The following SEH1L variants were observed in gnomAD, a reference collection of about 807,000 sequenced individuals.
SEH1L encodes nucleoporin SEH1.
Under a neutral mutation model 49.5 loss-of-function variants are expected in SEH1L, and 18 were observed. That is an observed-to-expected ratio of 0.36 (90% CI 0.25 to 0.54). The LOEUF (loss-of-function observed/expected upper bound fraction) is 0.54, where lower values mean the gene tolerates loss of function less well. Ranked by LOEUF, SEH1L falls within the 20% of genes least tolerant of loss-of-function variation. The probability of loss-of-function intolerance (pLI) is 0.87; values close to 1 mark genes in which losing one functional copy is unlikely to be tolerated. For missense variants in SEH1L, 404 were observed against 528.8 expected (o/e 0.76, Z 2.31); for synonymous variants, 169 against 178.1 (o/e 0.95, Z 0.41).
Position 12,981,737 on chromosome 18 carries a change from T to A in SEH1L, c.762-781T>A, listed in dbSNP as rs181596209. Among the ~76,000 whole-genome samples the A allele has an allele frequency of 3.2e-3, 483 of 152,198 alleles. 3 individuals are homozygous for A. Among genetic ancestry groups the A allele is most frequent in the Admixed American group, 5.2e-3 (79 of 15,286 alleles). The stretch of plus-strand genomic sequence containing the variant: ...AAGTGGCAGTCTATTTAGGGAAAAC[T>A]AAATTAGTATTGAGACAGTCTTGTG... On this transcript the variant is annotated intron_variant, in intron 6 of 8. Transcript: ENST00000399892.
rs1275355297 is a variant in SEH1L, at chr18:12,979,770, G to C, written c.761+878G>C. On this transcript the variant is annotated intron_variant, in intron 6 of 8. Transcript: ENST00000399892. ...GGCTGACCCCCCCACCTCCCTCCCG[G>C]ACGGGGCGGCTGTCCGGGCAGAGGG... Among the ~76,000 whole-genome samples, 81 of 140,768 alleles carry C rather than the reference G, an allele frequency of 5.8e-4. 1 individual carries two copies. The East Asian group carries it at 0.018, about 31-fold the overall frequency. 92.3% of individuals were successfully genotyped at this position (140,768 alleles called of 152,430 possible).
chr18:12,984,535 G>C lies in SEH1L; in HGVS notation c.1070+345G>C, dbSNP rs147242511. ...TCCAAATGAACATTAGTGTTTTTTA[G>C]TGCTTGTAGTGTGGTCTTTGCATTA... On this transcript the variant is annotated intron_variant, in intron 8 of 8. Transcript: ENST00000399892. 2.9e-3 allele frequency among the ~76,000 whole-genome samples: 447 copies of C among 152,300 alleles called. 6 individuals are homozygous for C. The East Asian group carries it at 0.037, about 13-fold the overall frequency.
chr18:12,957,415 C>T (rs886244127), intron 3 of SEH1L, among the ~76,000 whole-genome samples: 1 of 148,456 alleles, frequency 6.7e-6, no homozygotes, highest in Non-Finnish European at 1.5e-5. Flanking sequence ...GGAACAAGAG[C>T]GAGACTTCGT....
chr18:12,974,993 A>T (rs1485401631), intron 5 of SEH1L, among the ~76,000 whole-genome samples: 2 of 150,310 alleles, frequency 1.3e-5, no homozygotes, highest in Admixed American at 1.3e-4. Flanking sequence ...TTTTATTTTT[A>T]TTTTATTTTT....
intron 3 of SEH1L, 67 bp from the exon 4 acceptor site, chr18:12,963,093 G>T: frequency 8.7e-7 from 1 of 1,144,890 alleles, no homozygotes; most frequent in Non-Finnish European, 1.2e-6. Flanking sequence ...CAGAGTCTGT[G>T]TGTCTTTTCC....
At chr18:12,961,931 G>T (rs1290185405) in intron 3 of SEH1L, among the ~76,000 whole-genome samples, 1 of 152,158 alleles carries the variant, frequency 6.6e-6, no homozygotes, top group Non-Finnish European at 1.5e-5. Flanking sequence ...CTCCCAAAGT[G>T]CTGGGATTAC....
intron 7 of SEH1L, 91 bp downstream of exon 7, chr18:12,982,766 TG>T: frequency 9.6e-7 from 1 of 1,041,138 alleles, no homozygotes; most frequent in South Asian, 1.9e-5. Flanking sequence ...TTTTTGAAAA[TG>T]GTCTTTTACA....
chr18:12,984,948 ATTG>A (rs1379606210), intron 8 of SEH1L: 1 of 277,746 alleles, frequency 3.6e-6, no homozygotes, highest in African/African-American at 2.2e-5. Context: ...CTATTTTTAT[ATTG>A]TTATGTTTTC....
At chr18:12,953,875 A>G (rs889751638) in intron 2 of SEH1L, among the ~76,000 whole-genome samples, 1 of 152,234 alleles carries the variant, frequency 6.6e-6, no homozygotes, top group Non-Finnish European at 1.5e-5. Context: ...ATTAACAGCC[A>G]ATAAATATAC....
intron 8 of SEH1L, chr18:12,986,370 T>TCTTCAAACTTCAAA: frequency 2.0e-6 from 2 of 985,580 alleles, no homozygotes; most frequent in South Asian, 4.7e-5. Context: ...TGTTTGTAGT[T>TCTTCAAACTTCAAA]CTTCAAAAGC....
intron 5 of SEH1L, chr18:12,973,577 G>C (rs1034218833): frequency 1.3e-5 from 2 of 152,200 alleles, no homozygotes; most frequent in African/African-American, 4.8e-5. Context: ...TGGGATTACA[G>C]GTGTGAGCCA....
At chr18:12,957,841 C>G (rs2030966189) in intron 3 of SEH1L, among the ~76,000 whole-genome samples, 1 of 152,084 alleles carries the variant, frequency 6.6e-6, no homozygotes, top group Non-Finnish European at 1.5e-5. Flanking sequence ...CTTAGCCCCA[C>G]AAGTAGCTGG....
chr18:12,962,388 A>AAT (rs1555690040), intron 3 of SEH1L, among the ~76,000 whole-genome samples: 6 of 150,366 alleles, frequency 4.0e-5, no homozygotes, highest in Non-Finnish European at 7.4e-5. Flanking sequence ...AAAAAAAAAA[A>AAT]AATAATAATA....
At chr18:12,961,055 C>T (rs918390972) in intron 3 of SEH1L, among the ~76,000 whole-genome samples, 5 of 152,278 alleles carry the variant, frequency 3.3e-5, no homozygotes, top group African/African-American at 1.2e-4. Flanking sequence ...GCATGCTTCC[C>T]AGGGGTTGCG....
Position 12,955,459 on chromosome 18 carries a change from C to G in SEH1L, c.163-4C>G, listed in dbSNP as rs1383891002. The G allele has an allele frequency of 1.2e-6, 2 of 1,607,600 alleles. No individual in the cohort carries two copies. Among genetic ancestry groups the G allele is most frequent in the East Asian group, 2.2e-5 (1 of 44,836 alleles). ...TCTTTTCTTTTTTTTTTTTGATTCC[C>G]CAGACACATAGTGGATCTGTATGGC... On this transcript the variant is annotated splice_region_variant and splice_polypyrimidine_tract_variant and intron_variant, in intron 2 of 8. Transcript: ENST00000399892.
chr18:12,985,417 A>T, intron 8 of SEH1L: 1 of 1,345,726 alleles, frequency 7.4e-7, no homozygotes, highest in East Asian at 2.9e-5. Flanking sequence ...TTAAAAATAC[A>T]GTGTATATTT....
At chr18:12,963,442 G>A (rs2031288902) in intron 4 of SEH1L, 71 bp downstream of exon 4, 1 of 1,212,240 alleles carries the variant, frequency 8.2e-7, no homozygotes, top group African/African-American at 1.5e-5. Context: ...CTAACAATTT[G>A]ATAATTTATT....
At chr18:12,985,367 C>T (rs1172208407) in intron 8 of SEH1L, 80 of 1,503,658 alleles carry the variant, frequency 5.3e-5, no homozygotes, top group Non-Finnish European at 6.8e-5. Context: ...CCAAGATACA[C>T]CAGCAGCCTG....
chr18:12,975,211 C>T (rs780207662), intron 5 of SEH1L, among the ~76,000 whole-genome samples: 3 of 151,988 alleles, frequency 2.0e-5, no homozygotes, highest in Non-Finnish European at 4.4e-5. Context: ...AGGCTGGTCT[C>T]GAACTGTCGA....
Sources: allele counts gnomAD v4.1 joint callset (sites outside exome capture counted in the v4.1 genomes callset), GRCh38; gene constraint gnomAD v4.1.1; transcripts MANE v1.5; gene names NCBI Gene and HGNC (gene_info 2026-07-23, HGNC 2026-07-21).